The following PLCB1 variants were observed in gnomAD, a reference collection of about 807,000 sequenced individuals.
PLCB1 encodes 1-phosphatidylinositol 4,5-bisphosphate phosphodiesterase beta-1.
Under a neutral mutation model 161.8 loss-of-function variants are expected in PLCB1, and 46 were observed. The observed-to-expected ratio is 0.28, with a 90% CI of 0.22 to 0.36. The LOEUF (loss-of-function observed/expected upper bound fraction) is 0.36, where lower values mean the gene tolerates loss of function less well. PLCB1 is among the 10% of genes least tolerant of loss of function. The probability of loss-of-function intolerance (pLI) is 1.00; values close to 1 mark genes in which losing one functional copy is unlikely to be tolerated. For synonymous variants in PLCB1, 517 were observed against 503.7 expected (o/e 1.03, Z -0.35); for missense variants, 1,016 against 1,472.5 (o/e 0.69, Z 5.07).
rs1982255295 is a variant in PLCB1 at position 8,765,205 on chromosome 20, A to G, written c.2777A>G (p.His926Arg). The change falls in exon 26 of 32, where the codon CAC (histidine) becomes CGC (arginine). Residue 926 changes from histidine to arginine, a missense_variant. His to Arg is a conservative substitution (Grantham distance 29, BLOSUM62 0). Transcript: ENST00000338037. ...QKSFVKLQKK[H>R]YKEMKDLVKR... is the part of the protein sequence containing the mutation. The stretch of plus-strand genomic sequence containing the variant: ...TCGTTTGTGAAACTTCAAAAGAAAC[A>G]CTACAAAGAAATGAAAGACCTGGTT... The G allele has an allele frequency of 1.2e-6, 2 of 1,614,028 alleles. No individual in the cohort carries two copies. The highest frequency in any genetic ancestry group is 1.3e-5 in the African/African-American group (1 of 74,940).
Position 8,757,165 on chromosome 20 carries a change from C to T in PLCB1, c.2643C>T (p.Ser881=). 1 of 1,610,424 alleles carries T rather than the reference C, an allele frequency of 6.2e-7. No individual in the cohort carries two copies. The highest frequency in any genetic ancestry group is 1.7e-5 in the Admixed American group (1 of 59,208). Residue 881 remains serine (S), a synonymous_variant, in exon 24 of 32, where the codon AGC becomes AGT. Transcript: ENST00000338037. ...TPKPPSQALH[S]QPAPGSVKAP... Reference sequence around the variant, plus strand: ...AGCCACCCTCCCAGGCTCTCCACAGCCAGCCAGCTCCAGGTAAGCCATCTG... The same window carrying T: ...AGCCACCCTCCCAGGCTCTCCACAGTCAGCCAGCTCCAGGTAAGCCATCTG...
chr20:8,133,151 A>G (rs1422106915), intron 1 of PLCB1, among the ~76,000 whole-genome samples: 1 of 151,978 alleles, frequency 6.6e-6, no homozygotes, highest in African/African-American at 2.4e-5. Context: ...CGCACCCCCT[A>G]TTACCTCTTT....
At chr20:8,648,212 C>T (rs1362171556) in intron 6 of PLCB1, among the ~76,000 whole-genome samples, 1 of 152,162 alleles carries the variant, frequency 6.6e-6, no homozygotes, top group Non-Finnish European at 1.5e-5. Flanking sequence ...GGGACCCTTG[C>T]TACTAAGGCC....
chr20:8,152,937 A>G (rs538862994), intron 2 of PLCB1, among the ~76,000 whole-genome samples: 1 of 152,236 alleles, frequency 6.6e-6, no homozygotes, highest in African/African-American at 2.4e-5. Flanking sequence ...ATGATGTTCT[A>G]TGCATGTCCG....
intron 10 of PLCB1, among the ~76,000 whole-genome samples, chr20:8,693,880 T>G (rs1162060513): frequency 6.6e-6 from 1 of 152,178 alleles, no homozygotes; most frequent in Non-Finnish European, 1.5e-5. Context: ...GGCAGTATTA[T>G]GAATTACTCT....
At chr20:8,280,065 G>T (rs926290271) in intron 2 of PLCB1, among the ~76,000 whole-genome samples, 5 of 152,166 alleles carry the variant, frequency 3.3e-5, no homozygotes, top group African/African-American at 1.2e-4. Flanking sequence ...GCAGGGCATG[G>T]TGGCTCACGC....
chr20:8,303,356 A>G (rs891582882), intron 2 of PLCB1, among the ~76,000 whole-genome samples: 4 of 152,192 alleles, frequency 2.6e-5, no homozygotes, highest in Non-Finnish European at 5.9e-5. Flanking sequence ...AGAGATACTT[A>G]CCCTCCTGAG....
At position 8,644,189 on chromosome 20, in the gene PLCB1, G is replaced by A. The variant is rs1345935137; in HGVS notation, c.385-1913G>A. On this transcript the variant is annotated intron_variant, in intron 4 of 31. Transcript: ENST00000338037. ...GCCTGCCTTGGCCTCCCAAAGTGCC[G>A]AGATTGCAGCCTCTGCCCGGCCACC... 5.3e-5 allele frequency among the ~76,000 whole-genome samples: 8 copies of A among 152,180 alleles called. No homozygotes were observed. In the East Asian group the frequency reaches 1.6e-3, roughly 30 times the overall value.
rs559699443 is a variant in PLCB1, at chr20:8,756,434, A to T, written c.2524-612A>T. ...CATCACATCGATTAGCTCATTCTGT[A>T]AAACAACCCCAAACTTGGCAGCTTA... On this transcript the variant is annotated intron_variant, in intron 23 of 31. Coordinates refer to ENST00000338037, the MANE Select transcript of PLCB1 (RefSeq NM_015192.4). Among the ~76,000 whole-genome samples the T allele has an allele frequency of 2.0e-5, 3 of 152,288 alleles. No individual in the cohort carries two copies. In the East Asian group the frequency reaches 5.8e-4, roughly 29 times the overall value.
rs76710875 is a variant in PLCB1, at chr20:8,621,041, A to G, written c.247-7253A>G. 1.8e-4 allele frequency among the ~76,000 whole-genome samples: 28 copies of G among 152,330 alleles called. No individual in the cohort carries two copies. In the East Asian group the frequency reaches 5.2e-3, roughly 28 times the overall value. On this transcript the variant is annotated intron_variant, in intron 3 of 31. Coordinates refer to ENST00000338037, the MANE Select transcript of PLCB1 (RefSeq NM_015192.4). ...CTTAAATCTCACCAATAAAGAACTC[A>G]TCAACTAGGGAGATGCTGCGGACTC... is the stretch of plus-strand genomic sequence containing the variant.
At chr20:8,165,356 C>A (rs1443564841) in intron 2 of PLCB1, among the ~76,000 whole-genome samples, 1 of 152,160 alleles carries the variant, frequency 6.6e-6, no homozygotes, top group Non-Finnish European at 1.5e-5. Context: ...GACAAACTAT[C>A]ACATGAATTC....
At chr20:8,328,903 AGACCCTGTGCTGGG>A in intron 2 of PLCB1, among the ~76,000 whole-genome samples, 1 of 152,320 alleles carries the variant, frequency 6.6e-6, no homozygotes, top group South Asian at 2.1e-4. Flanking sequence ...TGTGTGTGTG[AGACCCTGTGCTGGG>A]TACAGAGTCA....
intron 31 of PLCB1, among the ~76,000 whole-genome samples, chr20:8,874,260 A>ACACAC (rs1456388775): frequency 4.7e-5 from 7 of 148,648 alleles, no homozygotes; most frequent in African/African-American, 1.7e-4. Flanking sequence ...ACACACGCAC[A>ACACAC]ACAGATGCTC....
At chr20:8,562,540 G>T (rs1007855680) in intron 3 of PLCB1, among the ~76,000 whole-genome samples, 9 of 152,108 alleles carry the variant, frequency 5.9e-5, no homozygotes, top group African/African-American at 9.7e-5. Flanking sequence ...AATCCCATTT[G>T]CTCTGGCCAT....
chr20:8,187,305 GT>G (rs1401714872), intron 2 of PLCB1, among the ~76,000 whole-genome samples: 1 of 151,928 alleles, frequency 6.6e-6, no homozygotes, highest in African/African-American at 2.4e-5. Flanking sequence ...TCCTGTATTA[GT>G]TTACCATGTC....
chr20:8,505,105 C>T (rs904589058), intron 3 of PLCB1, among the ~76,000 whole-genome samples: 1 of 152,046 alleles, frequency 6.6e-6, no homozygotes, highest in African/African-American at 2.4e-5. Context: ...CAGCAATCCT[C>T]CTGGAGGCCT....
At chr20:8,663,853 A>T (rs1989745597) in intron 9 of PLCB1, among the ~76,000 whole-genome samples, 2 of 152,260 alleles carry the variant, frequency 1.3e-5, no homozygotes, top group East Asian at 3.9e-4. Context: ...GCCTCTTCCA[A>T]ACAAAATGTT....
intron 4 of PLCB1, among the ~76,000 whole-genome samples, chr20:8,633,263 A>C (rs1188671566): frequency 2.0e-5 from 3 of 152,172 alleles, no homozygotes; most frequent in Non-Finnish European, 4.4e-5. Context: ...AAAAGATAGA[A>C]ATATCATTTA....
At chr20:8,229,856 C>CATAAAATAAAATAAAATAAAATAAA (rs1172390547) in intron 2 of PLCB1, among the ~76,000 whole-genome samples, 48 of 35,076 alleles carry the variant, frequency 1.4e-3, no homozygotes, top group South Asian at 0.011. Flanking sequence ...GAGCCCATCT[C>CATAAAATAAAATAAAATAAAATAAA]ATAAAATAAA....
Sources: allele counts gnomAD v4.1 joint callset (sites outside exome capture counted in the v4.1 genomes callset), GRCh38; gene constraint gnomAD v4.1.1; transcripts MANE v1.5; gene names NCBI Gene and HGNC (gene_info 2026-07-23, HGNC 2026-07-21).